The following PGAP1 variants were observed in gnomAD, a reference collection of about 807,000 sequenced individuals.
PGAP1 encodes the protein post-GPI attachment to proteins inositol deacylase 1.
A neutral mutation model predicts 127.0 loss-of-function variants in PGAP1; 76 were observed. That is an observed-to-expected ratio of 0.60 (90% confidence interval 0.50 to 0.72). PGAP1 has a LOEUF of 0.72. PGAP1 is among the 30% of genes least tolerant of loss of function. The pLI is 0.00. For synonymous variants in PGAP1, 362 were observed against 366.5 expected, an observed-to-expected ratio of 0.99 and a Z score of 0.14; for missense variants, 982 against 1,071.3, an observed-to-expected ratio of 0.92 and a Z score of 1.16.
intron 19 of PGAP1, among the ~76,000 whole-genome samples, chr2:196,866,824 C>T (rs1007827235): frequency 3.3e-5 from 5 of 152,038 alleles, no homozygotes; most frequent in African/African-American, 1.2e-4. Context: ...TGAACAGACA[C>T]TTCTCAAAAG....
chr2:196,897,298 C>T (rs918060038), intron 6 of PGAP1, 101 bp from the exon 7 acceptor site: 8 of 586,046 alleles, frequency 1.4e-5, no homozygotes, highest in Middle Eastern at 2.8e-4. Context: ...TTTGAGTTTC[C>T]TTTAGTGCTC....
chr2:196,868,283 A>G (rs963655756), intron 19 of PGAP1, among the ~76,000 whole-genome samples: 12 of 152,312 alleles, frequency 7.9e-5, no homozygotes, highest in African/African-American at 2.9e-4. Flanking sequence ...AATGCCCTTC[A>G]CTGTGTTTAG....
chr2:196,918,287 A>G (rs2125838927), intron 2 of PGAP1, among the ~76,000 whole-genome samples: 1 of 152,338 alleles, frequency 6.6e-6, no homozygotes, highest in South Asian at 2.1e-4. Flanking sequence ...TAGCACAATC[A>G]GTAAAGATTA....
intron 1 of PGAP1, among the ~76,000 whole-genome samples, chr2:196,923,853 G>A (rs888240729): frequency 1.3e-5 from 2 of 152,048 alleles, no homozygotes; most frequent in Non-Finnish European, 2.9e-5. Context: ...TTACACATAC[G>A]AAGATAGCCA....
At chr2:196,903,691 C>G (rs1702579991) in intron 4 of PGAP1, among the ~76,000 whole-genome samples, 1 of 151,960 alleles carries the variant, frequency 6.6e-6, no homozygotes, top group Non-Finnish European at 1.5e-5. Flanking sequence ...AGTCTTAGGA[C>G]TATGCTGCTG....
rs1700237625 is a variant in PGAP1 at position 196,836,446 on chromosome 2, CAT to C, written c.*4786_*4787del. The C allele has an allele frequency of 6.6e-6, 1 of 152,134 alleles. No individual in the cohort carries two copies. Among genetic ancestry groups the C allele is most frequent in the Admixed American group, 6.6e-5 (1 of 15,250 alleles). 9.4% of individuals were successfully genotyped at this position (152,134 alleles called of 1,614,324 possible). A position where few individuals can be genotyped will look rare whatever the true frequency, so the allele number is the denominator to read the frequency against. Reference sequence around the variant, plus strand: ...CTAAGTTATTAACAGATAATAAATTCATATAAGTTCTTCTGTACTCAATACAA... The same window carrying C: ...CTAAGTTATTAACAGATAATAAATTCATAAGTTCTTCTGTACTCAATACAA... On this transcript the variant is annotated 3_prime_UTR_variant, in exon 27 of 27. Transcript: ENST00000354764.
chr2:196,866,077 G>A (rs993253445), intron 19 of PGAP1, among the ~76,000 whole-genome samples: 1 of 151,960 alleles, frequency 6.6e-6, no homozygotes, highest in African/African-American at 2.4e-5. Context: ...AATGTTATCC[G>A]CATCAAGCTA....
At chr2:196,917,445 T>C (rs1253123371) in intron 2 of PGAP1, among the ~76,000 whole-genome samples, 2 of 152,208 alleles carry the variant, frequency 1.3e-5, no homozygotes, top group African/African-American at 4.8e-5. Flanking sequence ...AAATCTAACA[T>C]AAGATATTTT....
chr2:196,889,193 T>C (rs774448138), intron 10 of PGAP1, among the ~76,000 whole-genome samples: 134 of 152,140 alleles, frequency 8.8e-4, no homozygotes, highest in Admixed American at 2.0e-3. Context: ...TGATTTGAAA[T>C]TTAGTATTAA....
intron 19 of PGAP1, among the ~76,000 whole-genome samples, chr2:196,867,609 G>A (rs1388886349): frequency 6.6e-6 from 1 of 152,064 alleles, no homozygotes; most frequent in African/African-American, 2.4e-5. Flanking sequence ...ATGTACCCCA[G>A]AACTTAAAGT....
chr2:196,862,967 G>A (rs1701116491), intron 20 of PGAP1, among the ~76,000 whole-genome samples: 1 of 152,104 alleles, frequency 6.6e-6, no homozygotes, highest in African/African-American at 2.4e-5. Context: ...TTTTTTAAAT[G>A]TTCAACATCA....
In PGAP1 at chr2:196,843,915, G is replaced by T; in HGVS notation, c.2498C>A (p.Ser833Tyr). 1 of 1,528,972 alleles carries T rather than the reference G, an allele frequency of 6.5e-7. No individual in the cohort carries two copies. The highest frequency in any genetic ancestry group is 8.8e-7 in the Non-Finnish European group (1 of 1,130,196). The allele number at this position is 1,528,972 out of a possible 1,614,324, so 94.7% of individuals were successfully genotyped here. Reference protein sequence around the residue: ...LTWIVLLSMPSLIYWLKNLRY... With the variant: ...LTWIVLLSMPYLIYWLKNLRY... ...AAGATTCTTTAGCCAATAAATTAGA[G>T]AAGGCATGCTGAGTAATACAATCCA... is the stretch of plus-strand genomic sequence containing the variant. Residue 833 changes from serine to tyrosine, a missense_variant, in exon 25 of 27, where the codon TCT (serine) becomes TAT (tyrosine). Ser to Tyr is a moderately radical substitution (Grantham distance 144, BLOSUM62 -2). Transcript: ENST00000354764.
chr2:196,903,509 C>A (rs1433110332), intron 4 of PGAP1, among the ~76,000 whole-genome samples: 3 of 147,850 alleles, frequency 2.0e-5, no homozygotes, highest in Non-Finnish European at 4.5e-5. Context: ...TGCAGTGAGC[C>A]GAGATTGTGC....
At position 196,889,872 on chromosome 2, in the gene PGAP1, A is replaced by G. The variant is rs562335602; in HGVS notation, c.1173+956T>C. ...AGACTCCGTCTCAAAAAAAAAAAAA[A>G]AAAAAAGAAAAAATCCTGAAAGTAA... On this transcript the variant is annotated intron_variant, in intron 10 of 26. Transcript: ENST00000354764. 7.6e-4 allele frequency among the ~76,000 whole-genome samples: 116 copies of G among 151,868 alleles called. 1 individual carries two copies. Among genetic ancestry groups the G allele is most frequent in the Middle Eastern group, 3.4e-3 (1 of 294 alleles).
At chr2:196,912,123 A>G (rs1702843504) in intron 4 of PGAP1, among the ~76,000 whole-genome samples, 1 of 152,228 alleles carries the variant, frequency 6.6e-6, no homozygotes, top group Non-Finnish European at 1.5e-5. Context: ...GTGGTAACAC[A>G]TCACATGAAG....
intron 3 of PGAP1, among the ~76,000 whole-genome samples, chr2:196,914,404 T>G (rs1702933447): frequency 6.6e-6 from 1 of 152,140 alleles, no homozygotes; most frequent in African/African-American, 2.4e-5. Context: ...GTGGATCACT[T>G]CAGGTCAGGA....
intron 20 of PGAP1, among the ~76,000 whole-genome samples, chr2:196,862,278 C>T (rs1046721741): frequency 2.0e-5 from 3 of 152,044 alleles, no homozygotes; most frequent in Admixed American, 1.3e-4. Flanking sequence ...AAATAGACCC[C>T]AGTCTCTCAT....
intron 20 of PGAP1, among the ~76,000 whole-genome samples, chr2:196,859,475 A>C (rs547293967): frequency 6.6e-6 from 1 of 152,300 alleles, no homozygotes; most frequent in East Asian, 1.9e-4. Context: ...ATTCCAAAAA[A>C]AAACACTGAA....
chr2:196,905,299 T>C (rs942320879), intron 4 of PGAP1, among the ~76,000 whole-genome samples: 12 of 152,224 alleles, frequency 7.9e-5, no homozygotes, highest in African/African-American at 2.9e-4. Flanking sequence ...TTTTAGCCTT[T>C]AATTTTTTTC....
Sources: allele counts gnomAD v4.1 joint callset (sites outside exome capture counted in the v4.1 genomes callset), GRCh38; gene constraint gnomAD v4.1.1; transcripts MANE v1.5; gene names NCBI Gene and HGNC (gene_info 2026-07-23, HGNC 2026-07-21).